The following SLC43A2 variants were observed in gnomAD, a reference collection of about 807,000 sequenced individuals.
The protein encoded by SLC43A2 is large neutral amino acids transporter small subunit 4.
A neutral mutation model predicts 63.2 loss-of-function variants in SLC43A2; 38 were observed. The ratio of observed to expected loss-of-function variants is 0.60; its 90% CI spans 0.46 to 0.79. SLC43A2 has a LOEUF of 0.79. SLC43A2 is among the 30% of genes least tolerant of loss of function. The probability of loss-of-function intolerance (pLI) is 0.00; values close to 1 mark genes in which losing one functional copy is unlikely to be tolerated. For synonymous variants in SLC43A2, 322 were observed against 331.0 expected (o/e 0.97, Z 0.30); for missense variants, 644 against 756.2 (o/e 0.85, Z 1.74).
At chr17:1,575,971 A>G (rs570447231) in intron 13 of SLC43A2, among the ~76,000 whole-genome samples, 23 of 152,070 alleles carry the variant, frequency 1.5e-4, no homozygotes, top group African/African-American at 5.5e-4. Flanking sequence ...CTGGGCCCCC[A>G]GGAAACACGG....
Position 1,605,430 on chromosome 17 carries a change from G to A in SLC43A2, c.501+7765C>T, listed in dbSNP as rs562207849. Among the ~76,000 whole-genome samples the A allele has an allele frequency of 8.5e-5, 13 of 152,302 alleles. No individual in the cohort carries two copies. In the East Asian group the frequency reaches 2.3e-3, roughly 27 times the overall value. On this transcript the variant is annotated intron_variant, in intron 5 of 13. Coordinates refer to ENST00000301335, the MANE Select transcript of SLC43A2 (RefSeq NM_152346.3). The surrounding 1 kb of genome is among the most constrained non-coding windows in gnomAD (Gnocchi z 4.9). The stretch of plus-strand genomic sequence containing the variant: ...AGCTTCTCTAAGATGCCGGACGTAC[G>A]TGCCTTTTGGCCCAGGGCAGGCCAT...
chr17:1,582,139 G>A (rs994586005), intron 11 of SLC43A2, among the ~76,000 whole-genome samples: 3 of 151,590 alleles, frequency 2.0e-5, no homozygotes, highest in African/African-American at 4.9e-5. Flanking sequence ...GAGTGCAGTG[G>A]CGCGATCTCA....
chr17:1,616,513 CA>C, intron 3 of SLC43A2, 48 bp downstream of exon 3: 1 of 1,545,304 alleles, frequency 6.5e-7, no homozygotes, highest in Admixed American at 1.9e-5. Context: ...GAACTCAGCC[CA>C]GGGGGTCCAC....
chr17:1,586,900 G>A, intron 9 of SLC43A2: 2 of 1,528,606 alleles, frequency 1.3e-6, no homozygotes, highest in Non-Finnish European at 1.8e-6. Flanking sequence ...GACTGGCTGG[G>A]AGGGGACATC....
chr17:1,601,458 C>T (rs764709219), intron 5 of SLC43A2, among the ~76,000 whole-genome samples: 1 of 152,096 alleles, frequency 6.6e-6, no homozygotes, highest in Non-Finnish European at 1.5e-5. Flanking sequence ...TTCACACAGC[C>T]GACAACCCCG....
intron 10 of SLC43A2, 139 bp downstream of exon 10, chr17:1,585,772 GTC>G: frequency 1.3e-6 from 2 of 1,595,516 alleles, no homozygotes; most frequent in Non-Finnish European, 1.7e-6. Flanking sequence ...GAATGAGTGA[GTC>G]TCTCTAAGGG....
chr17:1,604,390 T>C (rs1906384949), intron 5 of SLC43A2: 1 of 231,916 alleles, frequency 4.3e-6, no homozygotes, highest in South Asian at 1.4e-4. Context: ...GAGGTCATGC[T>C]GTATTGCCCA....
At chr17:1,612,414 G>A (rs1235689116) in intron 5 of SLC43A2, among the ~76,000 whole-genome samples, 1 of 152,208 alleles carries the variant, frequency 6.6e-6, no homozygotes, top group Non-Finnish European at 1.5e-5. Flanking sequence ...CTGTGCCCGG[G>A]CACGGAGGAA....
In SLC43A2 at chr17:1,583,283, GC is replaced by G; in HGVS notation, c.1270del (p.Ala424ProfsTer17). Reference sequence around the variant, plus strand: ...GTTGGTGAAGGCGAAGGCCCGCATGGCATTAGTGATCTTCTGGATCTGCCGG... The same window carrying G: ...GTTGGTGAAGGCGAAGGCCCGCATGGATTAGTGATCTTCTGGATCTGCCGG... ...RDRQIQKITN[A>X]MRAFAFTNLL... On this transcript the variant is annotated frameshift_variant, in exon 11 of 14. Transcript: ENST00000301335. LOFTEE classifies it high-confidence loss of function. This position sits in a 1 kb window ranked among gnomAD's most constrained non-coding sequence, Gnocchi z 5.5. 2 of 1,614,168 alleles carry G rather than the reference GC, an allele frequency of 1.2e-6. No individual in the cohort carries two copies. Among genetic ancestry groups the G allele is most frequent in the Non-Finnish European group, 1.7e-6 (2 of 1,180,026 alleles).
In SLC43A2 at chr17:1,606,246, G is replaced by A. The variant is rs1259303625; in HGVS notation, c.501+6949C>T. Among the ~76,000 whole-genome samples, 7 of 152,112 alleles carry A rather than the reference G, an allele frequency of 4.6e-5. No individual in the cohort carries two copies. Among genetic ancestry groups the A allele is most frequent in the Admixed American group, 3.3e-4 (5 of 15,274 alleles). ...GCAGACGCGGGGTCTACTGAGCCACGGCACTAAACTCCTGTCCCCTCTCTG... is the reference window on the plus strand; with the variant it reads ...GCAGACGCGGGGTCTACTGAGCCACAGCACTAAACTCCTGTCCCCTCTCTG... On this transcript the variant is annotated intron_variant, in intron 5 of 13. Transcript: ENST00000301335. This position sits in a 1 kb window ranked among gnomAD's most constrained non-coding sequence, Gnocchi z 4.7.
At chr17:1,594,621 T>A (rs1315477991) in intron 5 of SLC43A2, among the ~76,000 whole-genome samples, 1 of 130,974 alleles carries the variant, frequency 7.6e-6, no homozygotes, top group Admixed American at 8.1e-5. Context: ...GGAGTCTCGC[T>A]CTTTCGCCCA....
At chr17:1,601,435 G>A (rs748396804) in intron 5 of SLC43A2, among the ~76,000 whole-genome samples, 10 of 152,066 alleles carry the variant, frequency 6.6e-5, no homozygotes, top group Admixed American at 6.5e-4. Context: ...AGCCAGAGAG[G>A]CACACGGCCT....
At position 1,597,483 on chromosome 17, in the gene SLC43A2, C is replaced by T. The variant is rs543845217; in HGVS notation, c.502-4204G>A. Among the ~76,000 whole-genome samples the T allele has an allele frequency of 1.0e-4, 14 of 135,204 alleles. No individual in the cohort carries two copies. In the South Asian group the frequency reaches 3.0e-3, roughly 29 times the overall value. 88.7% of individuals were successfully genotyped at this position (135,204 alleles called of 152,430 possible). On this transcript the variant is annotated intron_variant, in intron 5 of 13. Coordinates refer to ENST00000301335, the MANE Select transcript of SLC43A2 (RefSeq NM_152346.3). Reference sequence around the variant, plus strand: ...TTGTGCCACTGCACTCCAGCCTGGGCGACAGAGCAAGACTCAAAAAAAAAA... The same window carrying T: ...TTGTGCCACTGCACTCCAGCCTGGGTGACAGAGCAAGACTCAAAAAAAAAA...
In SLC43A2 at chr17:1,593,184, C is replaced by T; in HGVS notation, c.594+3G>A. 6.2e-7 allele frequency: 1 copy of T among 1,613,240 alleles called. No homozygotes were observed. Among genetic ancestry groups the T allele is most frequent in the Non-Finnish European group, 8.5e-7 (1 of 1,179,626 alleles). On this transcript the variant is annotated splice_donor_region_variant and intron_variant, in intron 6 of 13. Transcript: ENST00000301335. The surrounding 1 kb of genome is among the most constrained non-coding windows in gnomAD (Gnocchi z 5.3). ...GACACCAGTGCAAAATACACGTGCT[C>T]ACCTTGATTCCTGGAAAGGTGACTG...
intron 5 of SLC43A2, among the ~76,000 whole-genome samples, chr17:1,610,305 C>T (rs1054399517): frequency 6.6e-6 from 1 of 151,722 alleles, no homozygotes; most frequent in Non-Finnish European, 1.5e-5. Context: ...CTCTGTCACA[C>T]AGGCTGGAAT....
chr17:1,582,233 C>T (rs1440003986), intron 11 of SLC43A2, among the ~76,000 whole-genome samples: 4 of 152,140 alleles, frequency 2.6e-5, no homozygotes, highest in Non-Finnish European at 5.9e-5. Context: ...GAGTGTGCCA[C>T]CATGCCCAGC....
In SLC43A2 at chr17:1,578,633, T is replaced by G; in HGVS notation, c.1351-310A>C. 3.1e-6 allele frequency: 1 copy of G among 317,522 alleles called. No homozygotes were observed. The highest frequency in any genetic ancestry group is 5.9e-6 in the Non-Finnish European group (1 of 169,984). The allele number at this position is 317,522 out of a possible 1,614,324, so 19.7% of individuals were successfully genotyped here. On this transcript the variant is annotated intron_variant, in intron 11 of 13. Transcript: ENST00000301335. This position sits in a 1 kb window ranked among gnomAD's most constrained non-coding sequence, Gnocchi z 6.5. Reference sequence around the variant, plus strand: ...AGCTTCGCCTCCTGGATTCAAGCAATTCTCCTGCCTCAGCCTTCGGAGTAG... The same window carrying G: ...AGCTTCGCCTCCTGGATTCAAGCAAGTCTCCTGCCTCAGCCTTCGGAGTAG...
intron 3 of SLC43A2, among the ~76,000 whole-genome samples, chr17:1,615,725 C>T (rs896605000): frequency 6.7e-6 from 1 of 148,680 alleles, no homozygotes; most frequent in African/African-American, 2.5e-5. Flanking sequence ...CGCCTGTGGT[C>T]CCAGCTACTC....
chr17:1,575,887 G>T, intron 13 of SLC43A2, 122 bp from the exon 14 acceptor site: 1 of 1,146,680 alleles, frequency 8.7e-7, no homozygotes, highest in Non-Finnish European at 1.2e-6. Flanking sequence ...AACGAAACAG[G>T]AAGGCCCACG....
Sources: gnomAD v4.1 joint callset for allele counts (sites outside exome capture counted in the v4.1 genomes callset) on GRCh38, gnomAD v4.1.1 for gene constraint, Gnocchi (gnomAD v3.1) non-coding constraint, MANE v1.5 for transcripts, NCBI Gene and HGNC (gene_info 2026-07-23, HGNC 2026-07-21) for gene names.